Variants in SULT1A1 observed in about 807,000 individuals in gnomAD.
The protein encoded by SULT1A1 is sulfotransferase family 1A member 1.
A neutral mutation model predicts 36.8 loss-of-function variants in SULT1A1; 35 were observed. The ratio of observed to expected loss-of-function variants is 0.95; its 90% CI spans 0.73 to 1.26. SULT1A1 has a LOEUF of 1.26. SULT1A1 is among the 50% of genes most tolerant of loss of function. The pLI, the probability that SULT1A1 is intolerant of heterozygous loss-of-function variation, is 0.00. For synonymous variants in SULT1A1, 119 were observed against 146.0 expected, an observed-to-expected ratio of 0.82 and a Z score of 1.33; for missense variants, 309 against 383.0, an observed-to-expected ratio of 0.81 and a Z score of 1.61.
chr16:28,611,161 G>A (rs995029768), upstream of SULT1A1: 1 of 152,238 alleles, frequency 6.6e-6, no homozygotes, highest in African/African-American at 2.4e-5. Flanking sequence ...TTGCACTCTA[G>A]TAACAACCTG....
upstream of SULT1A1, chr16:28,614,228 C>T (rs1411752223): frequency 8.0e-5 from 5 of 62,696 alleles, no homozygotes; most frequent in Admixed American, 7.4e-4. Context: ...TGGCCCGCAT[C>T]CTGGATCATC....
intron 2 of SULT1A1, among the ~76,000 whole-genome samples, chr16:28,617,543 C>CTTTTTTTTTT (rs1047546330): frequency 6.8e-6 from 1 of 146,740 alleles, no homozygotes. Context: ...CTTTTCTTTT[C>CTTTTTTTTTT]TTTTTTTTTT....
At chr16:28,623,041 G>A (rs1368616286) in intron 1 of SULT1A1, 1 of 1,484,396 alleles carries the variant, frequency 6.7e-7, no homozygotes, top group Admixed American at 2.1e-5. Flanking sequence ...CTCCTGCAGC[G>A]CCCTCCCTCC....
intron 1 of SULT1A1, 47 bp from the exon 2 acceptor site, chr16:28,608,906 A>C (rs1311385037): frequency 6.2e-7 from 1 of 1,611,042 alleles, no homozygotes; most frequent in Non-Finnish European, 8.5e-7. Flanking sequence ...CACCATCACA[A>C]CAGCAAGAAA....
chr16:28,622,827 C>G (rs946397643), intron 1 of SULT1A1, among the ~76,000 whole-genome samples: 2 of 152,172 alleles, frequency 1.3e-5, no homozygotes, highest in African/African-American at 4.8e-5. Flanking sequence ...GGCCTACACC[C>G]AACCCCAGAG....
chr16:28,622,202 G>C (rs1022218487), intron 1 of SULT1A1, among the ~76,000 whole-genome samples: 3 of 151,452 alleles, frequency 2.0e-5, no homozygotes, highest in Non-Finnish European at 2.9e-5. Context: ...TTCTCTGGGG[G>C]ACACACTACT....
rs1233529990 is a variant in SULT1A1, at chr16:28,607,028, T to C, written c.422A>G (p.His141Arg). 1 of 1,612,354 alleles carries C rather than the reference T, an allele frequency of 6.2e-7. No individual in the cohort carries two copies. The highest frequency in any genetic ancestry group is 1.7e-5 in the Admixed American group (1 of 59,904). The change falls in exon 5 of 8, where the codon CAC (histidine) becomes CGC (arginine). Residue 141 changes from histidine to arginine, a missense_variant. This residue lies in a region of SULT1A1 where 219 missense variants were observed against 215.3 expected (regional missense o/e 1.02). Coordinates refer to ENST00000314752, the MANE Select transcript of SULT1A1 (RefSeq NM_001055.4). The part of the protein sequence containing the change: ...NAKDVAVSYY[H>R]FYHMAKVHPE... ...GTGCACCTTGGCCATGTGGTAGAAGTGGTAGTAGGAAACTGCCACATCCTT... is the reference window on the plus strand; with the variant it reads ...GTGCACCTTGGCCATGTGGTAGAAGCGGTAGTAGGAAACTGCCACATCCTT...
At chr16:28,620,103 A>G in exon 2 of SULT1A1, 2 of 1,613,382 alleles carry the variant, frequency 1.2e-6, no homozygotes, top group Non-Finnish European at 1.7e-6. Flanking sequence ...GTCCAAAAAT[A>G]TGTCATCCTT....
Position 28,620,965 on chromosome 16 carries a change from C to T in SULT1A1, c.68-832G>A, listed in dbSNP as rs1241028905. 2.0e-5 allele frequency among the ~76,000 whole-genome samples: 3 copies of T among 152,064 alleles called. No homozygotes were observed. In the East Asian group the frequency reaches 5.8e-4, roughly 30 times the overall value. On this transcript the variant is annotated intron_variant, in intron 1 of 5. Coordinates refer to the SULT1A1 transcript ENST00000350842. Reference sequence around the variant, plus strand: ...GTCTCTACTAAAAATACAAAATTAGCTGGGTGTGGTGGCGCATGCCTGTAA... The same window carrying T: ...GTCTCTACTAAAAATACAAAATTAGTTGGGTGTGGTGGCGCATGCCTGTAA...
rs1399100589 is a variant in SULT1A1 at position 28,615,196 on chromosome 16, G to A, written c.138+4867C>T. Among the ~76,000 whole-genome samples the A allele has an allele frequency of 3.6e-5, 4 of 110,226 alleles. 1 individual carries two copies. Among genetic ancestry groups the A allele is most frequent in the Admixed American group, 3.0e-4 (3 of 9,936 alleles). The allele number at this position is 110,226 out of a possible 152,430, so 72.3% of individuals were successfully genotyped here. On this transcript the variant is annotated intron_variant, in intron 2 of 5. Transcript: ENST00000350842. The stretch of plus-strand genomic sequence containing the variant: ...ACTCTGCTTCTCATCTGCACAGCAG[G>A]AGAAAAACTCCACAGAGCGTGCTGT...
rs1229620652 is a variant in SULT1A1, at chr16:28,605,570, C to A, written c.*251G>T. 6.1e-6 allele frequency: 4 copies of A among 652,934 alleles called. No individual in the cohort carries two copies. In the East Asian group the frequency reaches 9.0e-5, roughly 15 times the overall value. 40.4% of individuals were successfully genotyped at this position (652,934 alleles called of 1,614,324 possible). A position where few individuals can be genotyped will look rare whatever the true frequency, so the allele number is the denominator to read the frequency against. ...TACAGGCATGAGCCACTCTGCCTGG[C>A]CCACAATCATATTTTATTCTCTTTT... On this transcript the variant is annotated 3_prime_UTR_variant, in exon 8 of 8. Coordinates refer to ENST00000314752, the MANE Select transcript of SULT1A1 (RefSeq NM_001055.4).
chr16:28,609,955 G>A lies in SULT1A1; in HGVS notation c.-29C>T, dbSNP rs1484098607. 33 of 1,287,918 alleles carry A rather than the reference G, an allele frequency of 2.6e-5. 1 individual carries two copies. The highest frequency in any genetic ancestry group is 1.1e-4 in the African/African-American group (7 of 65,822). 79.8% of individuals were successfully genotyped at this position (1,287,918 alleles called of 1,614,324 possible). The stretch of plus-strand genomic sequence containing the variant: ...CCTGAGCTCTTGGGAACCTGGCCTC[G>A]TGCCCTCCTCGCCCGCAGTGGCTGA... On this transcript the variant is annotated 5_prime_UTR_variant, in exon 1 of 8. In the 5' UTR this introduces an upstream ATG that the reference lacks. Coordinates refer to ENST00000314752, the MANE Select transcript of SULT1A1 (RefSeq NM_001055.4).
At chr16:28,609,127 C>G (rs1238535283) in intron 1 of SULT1A1, 4 of 1,417,560 alleles carry the variant, frequency 2.8e-6, no homozygotes, top group African/African-American at 1.4e-5. Flanking sequence ...GTGAAAGCAC[C>G]CTCGTCGGGC....
In SULT1A1 at chr16:28,606,791, A is replaced by T. The variant is rs763131488; in HGVS notation, c.564T>A (p.Val188=). ...EWWELSRTHP[V]LYLFYEDMKE... is the part of the protein sequence containing the mutation. ...TCATGTCTTCATAGAAGAGGTAGAGAACAGGGTGGGTGCGGCTCAGCTCCC... is the reference window on the plus strand; with the variant it reads ...TCATGTCTTCATAGAAGAGGTAGAGTACAGGGTGGGTGCGGCTCAGCTCCC... Residue 188 remains valine (V), a synonymous_variant, in exon 6 of 8, where the codon GTT becomes GTA. Transcript: ENST00000314752. 5.6e-6 allele frequency: 9 copies of T among 1,612,462 alleles called. No homozygotes were observed. The South Asian group carries it at 9.9e-5, about 18-fold the overall frequency.
At chr16:28,622,536 G>A (rs2047676874) in intron 1 of SULT1A1, among the ~76,000 whole-genome samples, 1 of 152,246 alleles carries the variant, frequency 6.6e-6, no homozygotes, top group South Asian at 2.1e-4. Context: ...TACCAAAGCA[G>A]GACTAGGCCC....
exon 1 of SULT1A1, chr16:28,623,132 G>A (rs1236854950): frequency 4.8e-6 from 6 of 1,239,354 alleles, no homozygotes; most frequent in African/African-American, 2.4e-5. Flanking sequence ...GCCCCTCACC[G>A]GCGTAGAAGG....
chr16:28,610,210 A>G, upstream of SULT1A1: 1 of 1,282,088 alleles, frequency 7.8e-7, no homozygotes, highest in Non-Finnish European at 1.0e-6. Context: ...AAAACAGAAG[A>G]ATGAAAGGGG....
At chr16:28,618,647 A>G (rs2151721250) in intron 2 of SULT1A1, among the ~76,000 whole-genome samples, 1 of 152,054 alleles carries the variant, frequency 6.6e-6, no homozygotes, top group Non-Finnish European at 1.5e-5. Context: ...CCCGGCCTAA[A>G]TTTTGCACTG....
chr16:28,609,718 C>T, intron 1 of SULT1A1: 1 of 509,654 alleles, frequency 2.0e-6, no homozygotes, highest in Non-Finnish European at 3.1e-6. Flanking sequence ...GATCCCACAG[C>T]ACTCCAGCCT....
Sources: allele counts gnomAD v4.1 joint callset (sites outside exome capture counted in the v4.1 genomes callset), GRCh38; gene constraint gnomAD v4.1.1; regional missense constraint gnomAD v4.1.1; transcripts MANE v1.5; gene names NCBI Gene and HGNC (gene_info 2026-07-23, HGNC 2026-07-21).